SHANK2: variants seen among roughly 807,000 people sequenced by gnomAD.
SHANK2 encodes the protein SH3 and multiple ankyrin repeat domains protein 2.
SHANK2 carries 43 observed loss-of-function variants against 133.7 expected under a neutral mutation model. The observed-to-expected ratio is 0.32, with a 90% CI of 0.25 to 0.41. The LOEUF (loss-of-function observed/expected upper bound fraction) is 0.41, where lower values mean the gene tolerates loss of function less well. Ranked by LOEUF, SHANK2 falls within the 10% of genes least tolerant of loss-of-function variation. The pLI is 1.00. For synonymous variants in SHANK2, 1,017 were observed against 952.8 expected, an observed-to-expected ratio of 1.07 and a Z score of -1.24; for missense variants, 1,994 against 2,235.8, an observed-to-expected ratio of 0.89 and a Z score of 2.18.
At chr11:71,147,021 A>G in intron 3 of SHANK2, 99 bp downstream of exon 3, 2 of 1,024,514 alleles carry the variant, frequency 2.0e-6, no homozygotes, top group Non-Finnish European at 2.8e-6. Context: ...CAGAGCAGTC[A>G]GGACCGTGGG....
rs188637286 is a variant in SHANK2, at chr11:70,698,712, G to C, written c.1829C>G (p.Ser610Cys). The C allele has an allele frequency of 2.8e-6, 2 of 718,678 alleles. No homozygotes were observed. The highest frequency in any genetic ancestry group is 2.0e-5 in the Admixed American group (1 of 50,026). The allele number at this position is 718,678 out of a possible 1,614,324, so 44.5% of individuals were successfully genotyped here. The change falls in exon 15 of 26, where the codon TCC (serine) becomes TGC (cysteine). Residue 610 changes from serine (S) to cysteine (C), a missense_variant. By Grantham distance (112) the Ser-to-Cys change is moderately radical. Transcript: ENST00000601538. ...CCTGGAAGTGTCGAAGCTGTCATAG[G>C]AGCCCACGGTGTAGTGCCTGAAAAG... is the stretch of plus-strand genomic sequence containing the variant. ...KKLFRHYTVG[S>C]YDSFDTSSDC...
chr11:70,681,494 C>T (rs868963132), intron 15 of SHANK2, among the ~76,000 whole-genome samples: 33 of 152,298 alleles, frequency 2.2e-4, no homozygotes, highest in Admixed American at 1.6e-3. Context: ...GAAAGGTGCA[C>T]ATCCACCACA....
chr11:71,247,071 A>G (rs191547397), intron 1 of SHANK2, among the ~76,000 whole-genome samples: 51 of 152,340 alleles, frequency 3.3e-4, no homozygotes. Flanking sequence ...GTTGATTAAT[A>G]AAAGACCCAT....
intron 14 of SHANK2, among the ~76,000 whole-genome samples, chr11:70,728,590 T>C (rs1565273979): frequency 1.3e-5 from 2 of 152,136 alleles, no homozygotes. Flanking sequence ...ACAGAGATAA[T>C]GGATTCTTAC....
intron 11 of SHANK2, among the ~76,000 whole-genome samples, chr11:70,832,606 CTTT>C (rs1420798856): frequency 2.0e-5 from 3 of 152,182 alleles, no homozygotes; most frequent in African/African-American, 7.2e-5. Context: ...TGAGTCCTAG[CTTT>C]TTTTCTGAGT....
intron 17 of SHANK2, among the ~76,000 whole-genome samples, chr11:70,555,875 T>C (rs1437639066): frequency 1.3e-5 from 2 of 152,178 alleles, no homozygotes; most frequent in African/African-American, 4.8e-5. Flanking sequence ...CAAAGCCTAA[T>C]CCACAGCAAG....
chr11:71,100,041 C>A (rs1482716493), intron 6 of SHANK2, among the ~76,000 whole-genome samples: 3 of 128,728 alleles, frequency 2.3e-5, no homozygotes, highest in Non-Finnish European at 3.3e-5. Context: ...AGAGTAAGAC[C>A]ATGTCAAAAA....
At chr11:70,595,569 G>C (rs2060388413) in intron 17 of SHANK2, among the ~76,000 whole-genome samples, 2 of 152,202 alleles carry the variant, frequency 1.3e-5, no homozygotes, top group Non-Finnish European at 2.9e-5. Context: ...TACAGCCCCT[G>C]TCACAGGAGA....
At chr11:70,684,615 G>A (rs373372922) in intron 15 of SHANK2, among the ~76,000 whole-genome samples, 8 of 152,242 alleles carry the variant, frequency 5.3e-5, no homozygotes, top group East Asian at 1.9e-4. Flanking sequence ...GGAGAATCCG[G>A]TTTGGTATCT....
At position 70,929,644 on chromosome 11, in the gene SHANK2, C is replaced by T. The variant is rs141646074; in HGVS notation, c.1108-33077G>A. ...ATGACTGCTGACTCTGACCCTCTGC[C>T]TTCCTCTTATAAGGACCCTTGTGAT... is the stretch of plus-strand genomic sequence containing the variant. On this transcript the variant is annotated intron_variant, in intron 10 of 25. Transcript: ENST00000601538. 3.1e-3 allele frequency among the ~76,000 whole-genome samples: 474 copies of T among 152,316 alleles called. 6 individuals carry two copies. Among genetic ancestry groups the T allele is most frequent in the African/African-American group, 0.011 (461 of 41,562 alleles).
At chr11:70,607,467 C>G (rs2060593777) in intron 17 of SHANK2, among the ~76,000 whole-genome samples, 1 of 152,228 alleles carries the variant, frequency 6.6e-6, no homozygotes, top group Non-Finnish European at 1.5e-5. Flanking sequence ...GTCACCATCA[C>G]ACCCCACTCC....
chr11:70,679,423 A>G (rs1343500835), intron 15 of SHANK2, among the ~76,000 whole-genome samples: 1 of 152,130 alleles, frequency 6.6e-6, no homozygotes, highest in Non-Finnish European at 1.5e-5. Flanking sequence ...CCGGACCATC[A>G]GGGAGGTGGG....
intron 23 of SHANK2, 199 bp from the exon 24 acceptor site, chr11:70,489,547 T>C: frequency 1.6e-6 from 1 of 639,648 alleles, no homozygotes; most frequent in South Asian, 1.8e-5. Flanking sequence ...CCAGAGGCAT[T>C]TCCAGAACAC....
intron 11 of SHANK2, among the ~76,000 whole-genome samples, chr11:70,841,892 C>T (rs541488951): frequency 2.0e-5 from 3 of 152,310 alleles, no homozygotes; most frequent in Admixed American, 1.3e-4. Flanking sequence ...GTCTTGGCTA[C>T]TGTCACCGAC....
At position 70,613,439 on chromosome 11, in the gene SHANK2, G is replaced by A. The variant is rs941856729; in HGVS notation, c.2061+46389C>T. ...AGGATGGTCTCGATCTCCTGACCTCGTGATCCGCCCACCTCGGCCTCCCAA... is the reference window on the plus strand; with the variant it reads ...AGGATGGTCTCGATCTCCTGACCTCATGATCCGCCCACCTCGGCCTCCCAA... On this transcript the variant is annotated intron_variant, in intron 17 of 25. Coordinates refer to ENST00000601538, the MANE Select transcript of SHANK2 (RefSeq NM_012309.5). Among the ~76,000 whole-genome samples the A allele has an allele frequency of 4.6e-5, 7 of 152,092 alleles. No individual in the cohort carries two copies. The South Asian group carries it at 6.2e-4, about 14-fold the overall frequency.
rs1180325158 is a variant in SHANK2 at position 71,059,557 on chromosome 11, CAG to C, written c.1030-3001_1030-3000del. ...ACAGCAGGAAGGCAGGCCACCCTGG[CAG>C]AGAGTCTTCATCCCTGGCTGGGTGG... On this transcript the variant is annotated intron_variant, in intron 9 of 25. Transcript: ENST00000601538. Among the ~76,000 whole-genome samples, 398 of 152,308 alleles carry C rather than the reference CAG, an allele frequency of 2.6e-3. 3 individuals are homozygous for C. The highest frequency in any genetic ancestry group is 8.9e-3 in the African/African-American group (368 of 41,574).
At chr11:70,806,909 G>A (rs1948174677) in intron 13 of SHANK2, 93 bp downstream of exon 13, 1 of 628,354 alleles carries the variant, frequency 1.6e-6, no homozygotes, top group Non-Finnish European at 2.9e-6. Flanking sequence ...CCATGGAGAA[G>A]CACAGCCTTG....
chr11:70,727,176 G>A (rs1946195318), intron 14 of SHANK2, among the ~76,000 whole-genome samples: 1 of 152,246 alleles, frequency 6.6e-6, no homozygotes, highest in African/African-American at 2.4e-5. Flanking sequence ...TCTACAAAAT[G>A]GAGATGACAA....
chr11:70,668,457 C>T (rs1339033414), intron 15 of SHANK2: 17 of 152,448 alleles, frequency 1.1e-4, no homozygotes, highest in African/African-American at 4.1e-4. Flanking sequence ...GAGGAAGACT[C>T]TCCCCTGGAG....
Sources: gnomAD v4.1 joint callset for allele counts (sites outside exome capture counted in the v4.1 genomes callset) on GRCh38, gnomAD v4.1.1 for gene constraint, MANE v1.5 for transcripts, NCBI Gene and HGNC (gene_info 2026-07-23, HGNC 2026-07-21) for gene names.